LRP1B: variants seen among roughly 807,000 people sequenced by gnomAD.
LRP1B encodes low-density lipoprotein receptor-related protein 1B.
In LRP1B, 217 loss-of-function variants were observed where a neutral mutation model predicts 556.6. That is an observed-to-expected ratio of 0.39 (90% CI 0.35 to 0.44). The LOEUF (loss-of-function observed/expected upper bound fraction) is 0.44. Ranked by LOEUF, LRP1B falls within the 20% of genes least tolerant of loss-of-function variation. The probability of loss-of-function intolerance (pLI) is 1.00; values close to 1 mark genes in which losing one functional copy is unlikely to be tolerated. For missense variants in LRP1B, 5,053 were observed against 5,620.8 expected (o/e 0.90, Z 3.23); for synonymous variants, 2,047 against 1,865.8 (o/e 1.10, Z -2.50).
intron 3 of LRP1B, among the ~76,000 whole-genome samples, chr2:141,342,138 G>C (rs1318419623): frequency 1.3e-5 from 2 of 151,328 alleles, no homozygotes; most frequent in Non-Finnish European, 2.9e-5. Context: ...TAGCTACTTG[G>C]GAGGCTGAGG....
intron 82 of LRP1B, among the ~76,000 whole-genome samples, chr2:140,317,464 A>C (rs1684572918): frequency 6.6e-6 from 1 of 151,010 alleles, no homozygotes; most frequent in African/African-American, 2.5e-5. Context: ...GACCAGGACA[A>C]TTAGGTGGGA....
rs1029215856 is a variant in LRP1B at position 140,702,301 on chromosome 2, C to T, written c.6151-9G>A. On this transcript the variant is annotated splice_polypyrimidine_tract_variant and intron_variant, in intron 38 of 90. Transcript: ENST00000389484. ...CAGTACAATTTATTTTCCTAAATAT[C>T]GATTAAGAAGTAACGTTACAGACTA... The T allele has an allele frequency of 1.1e-5, 18 of 1,612,096 alleles. No homozygotes were observed. Among genetic ancestry groups the T allele is most frequent in the Non-Finnish European group, 1.4e-5 (17 of 1,179,144 alleles).
chr2:141,836,949 T>C (rs1404918707), intron 1 of LRP1B, among the ~76,000 whole-genome samples: 1 of 152,032 alleles, frequency 6.6e-6, no homozygotes, highest in African/African-American at 2.4e-5. Flanking sequence ...TGTGATTTTC[T>C]TTAAAACAAT....
intron 3 of LRP1B, among the ~76,000 whole-genome samples, chr2:141,458,849 G>A (rs1037609073): frequency 3.3e-5 from 5 of 152,236 alleles, no homozygotes; most frequent in Admixed American, 3.3e-4. Flanking sequence ...TCTTTACCAT[G>A]TCATTCCCAG....
At chr2:141,132,142 A>G (rs1233258755) in intron 7 of LRP1B, among the ~76,000 whole-genome samples, 2 of 151,940 alleles carry the variant, frequency 1.3e-5, no homozygotes, top group Non-Finnish European at 2.9e-5. Flanking sequence ...TACAGTTTCT[A>G]TGGTTTGGGT....
chr2:141,065,756 C>T (rs1419961382), intron 7 of LRP1B, among the ~76,000 whole-genome samples: 1 of 151,842 alleles, frequency 6.6e-6, no homozygotes, highest in Non-Finnish European at 1.5e-5. Flanking sequence ...TTTGGAATCC[C>T]ATTCATTCCA....
intron 3 of LRP1B, among the ~76,000 whole-genome samples, chr2:141,442,231 T>C (rs1681004467): frequency 6.6e-6 from 1 of 152,154 alleles, no homozygotes; most frequent in Non-Finnish European, 1.5e-5. Context: ...TGGAAAAGTC[T>C]GTATTTCATA....
intron 43 of LRP1B, among the ~76,000 whole-genome samples, chr2:140,543,481 A>G (rs1347264912): frequency 1.3e-5 from 2 of 152,012 alleles, no homozygotes; most frequent in East Asian, 3.9e-4. Context: ...ATTCACCATA[A>G]TAGCTGACTA....
At chr2:141,765,233 A>G (rs1346283259) in intron 2 of LRP1B, among the ~76,000 whole-genome samples, 1 of 152,254 alleles carries the variant, frequency 6.6e-6, no homozygotes, top group Admixed American at 6.5e-5. Context: ...TGACAAGAAC[A>G]AGACAATACA....
intron 7 of LRP1B, among the ~76,000 whole-genome samples, chr2:141,098,637 T>A (rs1361321360): frequency 6.6e-6 from 1 of 151,936 alleles, no homozygotes; most frequent in African/African-American, 2.4e-5. Flanking sequence ...ATATTTAGTA[T>A]CATGTTCTCT....
chr2:141,747,193 G>A (rs1693946637), intron 2 of LRP1B, among the ~76,000 whole-genome samples: 1 of 152,284 alleles, frequency 6.6e-6, no homozygotes, highest in South Asian at 2.1e-4. Context: ...ATTACCACAA[G>A]TTGATATGGG....
At chr2:141,557,108 G>A (rs571682950) in intron 2 of LRP1B, among the ~76,000 whole-genome samples, 1 of 151,880 alleles carries the variant, frequency 6.6e-6, no homozygotes, top group East Asian at 1.9e-4. Flanking sequence ...AGGGGAATAT[G>A]TAGAGAAAGT....
chr2:141,554,907 A>T (rs752255252), intron 2 of LRP1B, among the ~76,000 whole-genome samples: 5 of 151,930 alleles, frequency 3.3e-5, no homozygotes, highest in African/African-American at 4.8e-5. Flanking sequence ...TAGAGGTAAG[A>T]CCAAAGACTC....
intron 1 of LRP1B, among the ~76,000 whole-genome samples, chr2:141,947,742 A>G (rs920633350): frequency 4.6e-5 from 7 of 151,946 alleles, no homozygotes; most frequent in Non-Finnish European, 8.8e-5. Context: ...GTGTTTATTT[A>G]TTATAAATAT....
chr2:141,848,419 T>C (rs567139955), intron 1 of LRP1B, among the ~76,000 whole-genome samples: 2 of 151,494 alleles, frequency 1.3e-5, no homozygotes, highest in South Asian at 4.2e-4. Flanking sequence ...AGAAAACTAC[T>C]CATCATAACA....
chr2:140,570,351 T>A (rs1158059295), intron 43 of LRP1B, among the ~76,000 whole-genome samples: 1 of 151,394 alleles, frequency 6.6e-6, no homozygotes, highest in African/African-American at 2.4e-5. Context: ...ACATTACAAC[T>A]GTTACCACAG....
At chr2:140,655,032 G>GTATATATATATATATATATATATATATC in intron 41 of LRP1B, among the ~76,000 whole-genome samples, 1 of 147,162 alleles carries the variant, frequency 6.8e-6, no homozygotes, top group Non-Finnish European at 1.5e-5. Context: ...GTATATGTAT[G>GTATATATATATATATATATATATATATC]TATATATATA....
intron 5 of LRP1B, among the ~76,000 whole-genome samples, chr2:141,230,404 C>T (rs888638522): frequency 3.3e-5 from 5 of 152,124 alleles, no homozygotes. Context: ...GCCTGGTTTC[C>T]CTTTTTCCAT....
At chr2:141,183,032 C>A (rs187361008) in intron 7 of LRP1B, among the ~76,000 whole-genome samples, 1 of 151,924 alleles carries the variant, frequency 6.6e-6, no homozygotes, top group Non-Finnish European at 1.5e-5. Flanking sequence ...GATGTTCAAA[C>A]CCCCTACAGC....
Sources: allele counts gnomAD v4.1 joint callset (sites outside exome capture counted in the v4.1 genomes callset), GRCh38; gene constraint gnomAD v4.1.1; transcripts MANE v1.5; gene names NCBI Gene and HGNC (gene_info 2026-07-23, HGNC 2026-07-21).